The following CDH13 variants were observed in gnomAD, a reference collection of about 807,000 sequenced individuals.
CDH13 encodes cadherin 13.
In CDH13, 24 loss-of-function variants were observed where a neutral mutation model predicts 63.8. The observed-to-expected ratio is 0.38, with a 90% confidence interval of 0.27 to 0.53. The LOEUF (loss-of-function observed/expected upper bound fraction) is 0.53, where lower values mean the gene tolerates loss of function less well. CDH13 is among the 20% of genes least tolerant of loss of function. The pLI, the probability that CDH13 is intolerant of heterozygous loss-of-function variation, is 0.85. For synonymous variants in CDH13, 503 were observed against 355.3 expected (o/e 1.42, Z -4.67); for missense variants, 1,049 against 903.1 (o/e 1.16, Z -2.07).
intron 5 of CDH13, among the ~76,000 whole-genome samples, chr16:83,334,523 C>A (rs920084006): frequency 1.5e-5 from 2 of 129,486 alleles, no homozygotes; most frequent in African/African-American, 5.8e-5. Context: ...AGGCATGCAC[C>A]GCCACTCCTG....
chr16:83,154,419 T>G (rs759068369), intron 4 of CDH13, among the ~76,000 whole-genome samples: 1 of 151,632 alleles, frequency 6.6e-6, no homozygotes, highest in Non-Finnish European at 1.5e-5. Context: ...AAAATAAAAT[T>G]AGCAAGGTGT....
chr16:82,941,328 G>A (rs373240422), intron 2 of CDH13, among the ~76,000 whole-genome samples: 4 of 152,136 alleles, frequency 2.6e-5, no homozygotes, highest in South Asian at 2.1e-4. Flanking sequence ...TCTAGATAGC[G>A]TTGGACCAAA....
At chr16:82,917,845 G>A (rs1158572346) in intron 2 of CDH13, among the ~76,000 whole-genome samples, 5 of 146,150 alleles carry the variant, frequency 3.4e-5, no homozygotes, top group East Asian at 2.0e-4. Flanking sequence ...AACCCAGGAC[G>A]CAGAGGTTGC....
chr16:82,678,494 T>C (rs1914189736), intron 1 of CDH13, among the ~76,000 whole-genome samples: 1 of 152,182 alleles, frequency 6.6e-6, no homozygotes, highest in Admixed American at 6.5e-5. Context: ...TGGAGACTTG[T>C]ATAATCCTAG....
At chr16:82,937,070 G>C (rs2151303428) in intron 2 of CDH13, among the ~76,000 whole-genome samples, 1 of 152,244 alleles carries the variant, frequency 6.6e-6, no homozygotes, top group East Asian at 1.9e-4. Context: ...GAGGGCAACT[G>C]CAGAGCTCTC....
At position 83,216,425 on chromosome 16, in the gene CDH13, T is replaced by TAA. The variant is rs1292168787; in HGVS notation, c.484-919_484-918insAA. Among the ~76,000 whole-genome samples the TAA allele has an allele frequency of 1.2e-4, 12 of 101,086 alleles. No homozygotes were observed. The East Asian group carries it at 1.3e-3, about 11-fold the overall frequency. The allele number at this position is 101,086 out of a possible 152,430, so 66.3% of individuals were successfully genotyped here. On this transcript the variant is annotated intron_variant, in intron 4 of 13. Transcript: ENST00000567109. ...ATATATATATATATATATATATATA[T>TAA]ATATATATATATATATATACACAAC...
At chr16:83,295,625 T>A (rs1009991140) in intron 5 of CDH13, among the ~76,000 whole-genome samples, 2 of 152,122 alleles carry the variant, frequency 1.3e-5, no homozygotes, top group African/African-American at 4.8e-5. Context: ...CACAATGAGA[T>A]ATCACCTCAT....
chr16:83,655,346 A>G (rs1912775865), intron 8 of CDH13: 1 of 152,200 alleles, frequency 6.6e-6, no homozygotes, highest in African/African-American at 2.4e-5. Context: ...CCCATTTTAC[A>G]GATAAGGAAG....
intron 7 of CDH13, among the ~76,000 whole-genome samples, chr16:83,544,426 CA>C (rs1384313528): frequency 3.9e-5 from 6 of 152,010 alleles, no homozygotes; most frequent in African/African-American, 1.4e-4. Flanking sequence ...ATCATTAAGT[CA>C]AAAATGTATT....
chr16:82,928,825 C>G (rs2042387398), intron 2 of CDH13, among the ~76,000 whole-genome samples: 1 of 152,128 alleles, frequency 6.6e-6, no homozygotes, highest in South Asian at 2.1e-4. Context: ...TTGGGGTGAC[C>G]AGTGTTTCTG....
chr16:83,467,763 C>T (rs757740267), intron 6 of CDH13, among the ~76,000 whole-genome samples: 20 of 152,160 alleles, frequency 1.3e-4, no homozygotes, highest in Non-Finnish European at 2.5e-4. Context: ...CACCACACAC[C>T]GGCTGTGTAA....
chr16:82,860,400 C>T (rs796371526), intron 2 of CDH13, among the ~76,000 whole-genome samples: 2 of 62,452 alleles, frequency 3.2e-5, no homozygotes, highest in Admixed American at 1.8e-4. Flanking sequence ...GGGGGGGGGG[C>T]GGCGGTGTGC....
chr16:83,607,700 G>A (rs528148036), intron 8 of CDH13, among the ~76,000 whole-genome samples: 39 of 152,238 alleles, frequency 2.6e-4, no homozygotes, highest in African/African-American at 8.9e-4. Flanking sequence ...GGTTGGAAAC[G>A]CTAGTTTTTC....
intron 7 of CDH13, among the ~76,000 whole-genome samples, chr16:83,587,945 T>G (rs1172700406): frequency 7.6e-6 from 1 of 132,118 alleles, no homozygotes; most frequent in African/African-American, 2.7e-5. Context: ...CTCTTATACC[T>G]CTTTTTTTTT....
chr16:82,992,008 A>G (rs1055015741), intron 2 of CDH13, among the ~76,000 whole-genome samples: 1 of 152,230 alleles, frequency 6.6e-6, no homozygotes, highest in Admixed American at 6.5e-5. Flanking sequence ...AATAATTTCT[A>G]GCAAATTATA....
At chr16:83,053,961 C>T (rs1240017153) in intron 3 of CDH13, among the ~76,000 whole-genome samples, 1 of 152,120 alleles carries the variant, frequency 6.6e-6, no homozygotes, top group Non-Finnish European at 1.5e-5. Context: ...ATGGTGATCT[C>T]ATAAAATTAT....
chr16:82,903,511 C>T (rs1294869937), intron 2 of CDH13, among the ~76,000 whole-genome samples: 3 of 152,214 alleles, frequency 2.0e-5, no homozygotes, highest in Non-Finnish European at 2.9e-5. Flanking sequence ...CTGGCCCTTC[C>T]TGGCCACCCA....
chr16:83,003,576 A>G (rs1913169022), intron 2 of CDH13, among the ~76,000 whole-genome samples: 1 of 152,250 alleles, frequency 6.6e-6, no homozygotes, highest in African/African-American at 2.4e-5. Flanking sequence ...GTATAGCTCA[A>G]TTGCAAACCT....
rs957123484 is a variant in CDH13, at chr16:83,505,150, G to C, written c.960+18495G>C. Reference sequence around the variant, plus strand: ...AAATTCTAGATTTGGACTTGAATTTGGTGCTCTTATTTCCACATTAAGTTA... The same window carrying C: ...AAATTCTAGATTTGGACTTGAATTTCGTGCTCTTATTTCCACATTAAGTTA... On this transcript the variant is annotated intron_variant, in intron 7 of 13. Transcript: ENST00000567109. 3.3e-5 allele frequency among the ~76,000 whole-genome samples: 5 copies of C among 152,222 alleles called. No individual in the cohort carries two copies. In the East Asian group the frequency reaches 5.8e-4, roughly 18 times the overall value.
Sources: allele counts gnomAD v4.1 joint callset (sites outside exome capture counted in the v4.1 genomes callset), GRCh38; gene constraint gnomAD v4.1.1; transcripts MANE v1.5; gene names NCBI Gene and HGNC (gene_info 2026-07-23, HGNC 2026-07-21).